CR1L: variants seen among roughly 807,000 people sequenced by gnomAD.
CR1L encodes complement C3b/C4b receptor 1 like, also known as complement component receptor 1-like protein.
Under a neutral mutation model 62.3 loss-of-function variants are expected in CR1L, and 59 were observed. The observed-to-expected ratio is 0.95, with a 90% CI of 0.77 to 1.18. The LOEUF (loss-of-function observed/expected upper bound fraction) is 1.18, where lower values mean the gene tolerates loss of function less well. CR1L is among the 50% of genes most tolerant of loss of function. CR1L has a pLI of 0.00. For missense variants in CR1L, 700 were observed against 702.8 expected (o/e 1.00, Z 0.04); for synonymous variants, 279 against 248.7 (o/e 1.12, Z -1.15).
At chr1:207,661,383 CT>C (rs1158346444) in intron 1 of CR1L, among the ~76,000 whole-genome samples, 7 of 152,234 alleles carry the variant, frequency 4.6e-5, no homozygotes, top group African/African-American at 1.4e-4. Flanking sequence ...GAATTGATCC[CT>C]TTATCATTAT....
chr1:207,671,274 C>T (rs6665668), intron 1 of CR1L, among the ~76,000 whole-genome samples: 3,868 of 150,964 alleles, frequency 0.026, 105 homozygotes, highest in Admixed American at 0.036. Flanking sequence ...ACTAAGCAGT[C>T]GTGCAAGACT....
intron 11 of CR1L, among the ~76,000 whole-genome samples, chr1:207,721,466 T>C (rs1484056151): frequency 6.6e-6 from 1 of 151,372 alleles, no homozygotes; most frequent in African/African-American, 2.4e-5. Flanking sequence ...CTTGCGATAG[T>C]TTACTGAGAA....
chr1:207,652,986 C>T (rs1246915271), intron 1 of CR1L: 12 of 248,322 alleles, frequency 4.8e-5, no homozygotes, highest in Non-Finnish European at 8.6e-5. Context: ...AATAATATGC[C>T]CATGCATTCA....
chr1:207,661,011 A>G (rs988926217), intron 1 of CR1L, among the ~76,000 whole-genome samples: 14 of 152,300 alleles, frequency 9.2e-5, no homozygotes, highest in African/African-American at 3.4e-4. Flanking sequence ...TCTGAGAGAC[A>G]GTTTGTTATA....
At chr1:207,719,959 A>G (rs1189045127) in intron 11 of CR1L, among the ~76,000 whole-genome samples, 3 of 152,248 alleles carry the variant, frequency 2.0e-5, no homozygotes, top group African/African-American at 7.2e-5. Flanking sequence ...ACCTAAATAT[A>G]TAATTCAACA....
At chr1:207,698,124 T>A (rs1379291286) in intron 7 of CR1L, among the ~76,000 whole-genome samples, 1 of 152,160 alleles carries the variant, frequency 6.6e-6, no homozygotes, top group Non-Finnish European at 1.5e-5. Flanking sequence ...CAAGTATAAT[T>A]ACTTGTTATT....
intron 9 of CR1L, among the ~76,000 whole-genome samples, chr1:207,707,455 C>A (rs1167557889): frequency 6.6e-6 from 1 of 152,096 alleles, no homozygotes; most frequent in Non-Finnish European, 1.5e-5. Context: ...TGGTGAAACA[C>A]CATCTCTACT....
intron 10 of CR1L, among the ~76,000 whole-genome samples, chr1:207,712,559 G>A (rs1571536191): frequency 6.6e-6 from 1 of 152,332 alleles, no homozygotes; most frequent in Non-Finnish European, 1.5e-5. Context: ...CCTGCATGGT[G>A]AGCATACCCT....
intron 8 of CR1L, among the ~76,000 whole-genome samples, 200 bp downstream of exon 8, chr1:207,699,474 T>C (rs1664159047): frequency 6.6e-6 from 1 of 152,254 alleles, no homozygotes; most frequent in African/African-American, 2.4e-5. Context: ...CTCTGTCATT[T>C]TGTATTCTAT....
intron 1 of CR1L, among the ~76,000 whole-genome samples, chr1:207,675,689 A>T (rs1663679732): frequency 6.6e-6 from 1 of 152,226 alleles, no homozygotes; most frequent in Admixed American, 6.5e-5. Context: ...TGTGGGAAGG[A>T]ACAGAAATGA....
intron 9 of CR1L, among the ~76,000 whole-genome samples, chr1:207,706,423 A>T (rs1310806632): frequency 6.6e-6 from 1 of 152,054 alleles, no homozygotes; most frequent in East Asian, 1.9e-4. Context: ...CTTGTCTAAA[A>T]AAAAAGAAAA....
intron 1 of CR1L, among the ~76,000 whole-genome samples, chr1:207,647,504 A>T (rs1484795108): frequency 6.6e-6 from 1 of 152,170 alleles, no homozygotes; most frequent in Non-Finnish European, 1.5e-5. Flanking sequence ...GTCTCTCCCC[A>T]TCAGAATGCA....
chr1:207,664,289 A>G (rs1474013760), intron 1 of CR1L, among the ~76,000 whole-genome samples: 3 of 152,232 alleles, frequency 2.0e-5, no homozygotes, highest in Non-Finnish European at 4.4e-5. Context: ...TTCAGTTTCC[A>G]TTTAGTTTAA....
At chr1:207,661,804 T>C (rs1663428999) in intron 1 of CR1L, among the ~76,000 whole-genome samples, 1 of 152,228 alleles carries the variant, frequency 6.6e-6, no homozygotes, top group Non-Finnish European at 1.5e-5. Flanking sequence ...TTTCCATGTT[T>C]AGTGCTTCCT....
intron 1 of CR1L, among the ~76,000 whole-genome samples, chr1:207,668,340 A>G (rs1040995340): frequency 1.3e-5 from 2 of 151,212 alleles, no homozygotes; most frequent in Admixed American, 1.3e-4. Flanking sequence ...TTCAGCCATA[A>G]GAAAGAATGA....
rs1320801037 is a variant in CR1L at position 207,697,527 on chromosome 1, T to G, written c.887T>G (p.Leu296Arg). The change falls in exon 6 of 12, where the codon CTG becomes CGG. Residue 296 changes from leucine (L) to arginine (R), a missense_variant. Transcript: ENST00000508064. ...GTATGTCAGCCACCTCCAGATGTCCTGCATGCTGAGCGTACCCAAAGGGAC... is the reference window on the plus strand; with the variant it reads ...GTATGTCAGCCACCTCCAGATGTCCGGCATGCTGAGCGTACCCAAAGGGAC... ...SRVCQPPPDV[L>R]HAERTQRDKD... 1.2e-6 allele frequency: 2 copies of G among 1,613,690 alleles called. No homozygotes were observed. Among genetic ancestry groups the G allele is most frequent in the Non-Finnish European group, 8.5e-7 (1 of 1,179,732 alleles).
chr1:207,710,792 T>C, intron 10 of CR1L: 1 of 1,584,738 alleles, frequency 6.3e-7, no homozygotes, highest in East Asian at 2.2e-5. Context: ...GGGGTGTGTT[T>C]GCCTGAGGCC....
intron 1 of CR1L, among the ~76,000 whole-genome samples, chr1:207,662,069 GC>G: frequency 6.6e-6 from 1 of 152,152 alleles, no homozygotes; most frequent in Non-Finnish European, 1.5e-5. Context: ...CTCTCTGGCT[GC>G]CCTTAACATT....
Position 207,683,016 on chromosome 1 carries a change from T to TTC in CR1L, c.378-854_378-853dup, listed in dbSNP as rs1553243559. ...TTTTTCTTTCTTTCTTTCTTTTTCT[T>TTC]TCTTTCTTTCCTTCCTTCCTTCCTT... On this transcript the variant is annotated intron_variant, in intron 3 of 11. Coordinates refer to ENST00000508064, the MANE Select transcript of CR1L (RefSeq NM_175710.2). Among the ~76,000 whole-genome samples the TTC allele has an allele frequency of 4.9e-5, 7 of 143,560 alleles. No individual in the cohort carries two copies. The South Asian group carries it at 9.5e-4, about 20-fold the overall frequency. The allele number at this position is 143,560 out of a possible 152,430, so 94.2% of individuals were successfully genotyped here.
Sources: allele counts gnomAD v4.1 joint callset (sites outside exome capture counted in the v4.1 genomes callset), GRCh38; gene constraint gnomAD v4.1.1; transcripts MANE v1.5; gene names NCBI Gene and HGNC (gene_info 2026-07-23, HGNC 2026-07-21).